Variants in ARID3A observed in about 807,000 individuals in gnomAD.
ARID3A encodes the protein AT-rich interactive domain-containing protein 3A.
ARID3A carries 11 observed loss-of-function variants against 52.7 expected under a neutral mutation model. That is an observed-to-expected ratio of 0.21 (90% CI 0.13 to 0.35). The LOEUF is 0.35. ARID3A is among the 10% of genes least tolerant of loss of function. The pLI, the probability that ARID3A is intolerant of heterozygous loss-of-function variation, is 1.00. For synonymous variants in ARID3A, 404 were observed against 359.4 expected, an observed-to-expected ratio of 1.12 and a Z score of -1.40; for missense variants, 721 against 838.5, an observed-to-expected ratio of 0.86 and a Z score of 1.73.
At position 966,730 on chromosome 19, in the gene ARID3A, C is replaced by T; in HGVS notation, c.1357C>T (p.Leu453=). 1 of 1,612,730 alleles carries T rather than the reference C, an allele frequency of 6.2e-7. No individual in the cohort carries two copies. Residue 453 remains leucine (L), a synonymous_variant, in exon 7 of 9, where the codon CTG becomes TTG. Coordinates refer to ENST00000263620, the MANE Select transcript of ARID3A (RefSeq NM_005224.3). The part of the protein sequence containing the change: ...AAALEQLREK[L]ESAEPPEKKM... ...TGCCCTGGAACAGCTGCGGGAGAAG[C>T]TGGAGTCTGCAGAGCCTCCGGAGAA...
At position 932,490 on chromosome 19, in the gene ARID3A, CGAGGAT is replaced by C. The variant is rs944698732; in HGVS notation, c.447_452del (p.Asp149_Glu150del). On this transcript the variant is annotated inframe_deletion, in exon 3 of 9. Coordinates refer to ENST00000263620, the MANE Select transcript of ARID3A (RefSeq NM_005224.3). ...ATGAGGAGGAGGAGGAGGAGGATTACGAGGATGAGGAGGAGGAGGAGGACGAGGAGG... is the reference window on the plus strand; with the variant it reads ...ATGAGGAGGAGGAGGAGGAGGATTACGAGGAGGAGGAGGAGGACGAGGAGG... 5.1e-6 allele frequency: 8 copies of C among 1,568,774 alleles called. No individual in the cohort carries two copies. Among genetic ancestry groups the C allele is most frequent in the Middle Eastern group, 1.9e-4 (1 of 5,162 alleles).
At chr19:952,147 A>G (rs1304005101) in intron 3 of ARID3A, among the ~76,000 whole-genome samples, 1 of 150,696 alleles carries the variant, frequency 6.6e-6, no homozygotes, top group Non-Finnish European at 1.5e-5. Context: ...TCTCAAAACA[A>G]AAACAAAGTG....
Position 929,276 on chromosome 19 carries a change from G to C in ARID3A, c.-253G>C, listed in dbSNP as rs375088044. On this transcript the variant is annotated 5_prime_UTR_variant, in exon 2 of 9. Coordinates refer to ENST00000263620, the MANE Select transcript of ARID3A (RefSeq NM_005224.3). This position sits in a 1 kb window ranked among gnomAD's most constrained non-coding sequence, Gnocchi z 6.2. ...TTCCCCCTCAGGTTTCTGCAAATGCGTGAATGAGCCGGATGCCAGCCTCTG... is the reference window on the plus strand; with the variant it reads ...TTCCCCCTCAGGTTTCTGCAAATGCCTGAATGAGCCGGATGCCAGCCTCTG... The C allele has an allele frequency of 6.5e-6, 2 of 307,776 alleles. No homozygotes were observed. Among genetic ancestry groups the C allele is most frequent in the African/African-American group, 2.2e-5 (1 of 44,566 alleles). The allele number at this position is 307,776 out of a possible 1,614,324, so 19.1% of individuals were successfully genotyped here.
intron 8 of ARID3A, among the ~76,000 whole-genome samples, chr19:969,593 C>T (rs1409899657): frequency 6.6e-6 from 1 of 151,022 alleles, no homozygotes; most frequent in Non-Finnish European, 1.5e-5. Context: ...TGTAGCTATA[C>T]ATAGATATAT....
Position 975,354 on chromosome 19 carries a change from T to TGGGCACG in ARID3A, c.*3300_*3306dup, listed in dbSNP as rs905061263. 4 of 178,850 alleles carry TGGGCACG rather than the reference T, an allele frequency of 2.2e-5. No individual in the cohort carries two copies. Among genetic ancestry groups the TGGGCACG allele is most frequent in the African/African-American group, 9.6e-5 (4 of 41,596 alleles). The allele number at this position is 178,850 out of a possible 1,614,324, so 11.1% of individuals were successfully genotyped here. A position where few individuals can be genotyped will look rare whatever the true frequency, so the allele number is the denominator to read the frequency against. On this transcript the variant is annotated 3_prime_UTR_variant, in exon 9 of 9. Coordinates refer to ENST00000263620, the MANE Select transcript of ARID3A (RefSeq NM_005224.3). ...GTGGCTGTCCAGAAAGGCGGGAGGGTGGGCACGGGGCACGGGGGGCAGCTG... is the reference window on the plus strand; with the variant it reads ...GTGGCTGTCCAGAAAGGCGGGAGGGTGGGCACGGGGCACGGGGCACGGGGGGCAGCTG...
At chr19:962,860 G>A (rs1235964672) in intron 4 of ARID3A, among the ~76,000 whole-genome samples, 1 of 152,138 alleles carries the variant, frequency 6.6e-6, no homozygotes, top group Non-Finnish European at 1.5e-5. Flanking sequence ...CTAAACTGGT[G>A]TCCCGAGTGG....
At chr19:937,404 G>A (rs1568358383) in intron 3 of ARID3A, among the ~76,000 whole-genome samples, 1 of 152,198 alleles carries the variant, frequency 6.6e-6, no homozygotes, top group Non-Finnish European at 1.5e-5. Flanking sequence ...TCACGGCTGA[G>A]TCATACTCCG....
At chr19:970,327 A>G (rs2038250014) in intron 8 of ARID3A, among the ~76,000 whole-genome samples, 1 of 151,992 alleles carries the variant, frequency 6.6e-6, no homozygotes, top group South Asian at 2.1e-4. Flanking sequence ...GAAGAAAAAA[A>G]AAAGAATTAA....
intron 3 of ARID3A, among the ~76,000 whole-genome samples, chr19:952,476 A>AATTTCT (rs2037822405): frequency 2.7e-5 from 4 of 150,282 alleles, no homozygotes; most frequent in Admixed American, 2.0e-4. Flanking sequence ...AAGGAAAGAA[A>AATTTCT]ATTTCTCTTC....
rs1161783382 is a variant in ARID3A, at chr19:960,926, G to C, written c.766+762G>C. Among the ~76,000 whole-genome samples the C allele has an allele frequency of 6.6e-6, 1 of 152,158 alleles. No individual in the cohort carries two copies. Among genetic ancestry groups the C allele is most frequent in the Non-Finnish European group, 1.5e-5 (1 of 68,008 alleles). On this transcript the variant is annotated intron_variant, in intron 4 of 8. Coordinates refer to ENST00000263620, the MANE Select transcript of ARID3A (RefSeq NM_005224.3). This position sits in a 1 kb window ranked among gnomAD's most constrained non-coding sequence, Gnocchi z 4.3. ...GACTCAGACGACCAAGGGTAGCCGG[G>C]GTGTCCCAGCGGCCATTCCCAGGCC...
intron 3 of ARID3A, among the ~76,000 whole-genome samples, chr19:936,543 G>T (rs1023447019): frequency 6.6e-6 from 1 of 151,704 alleles, no homozygotes; most frequent in African/African-American, 2.4e-5. Context: ...ACCCTGTCTC[G>T]AAAAAATAAG....
rs555535275 is a variant in ARID3A at position 959,020 on chromosome 19, G to A, written c.694-1072G>A. On this transcript the variant is annotated intron_variant, in intron 3 of 8. Transcript: ENST00000263620. This position sits in a 1 kb window ranked among gnomAD's most constrained non-coding sequence, Gnocchi z 5.0. ...AGCCACAGATTTGTAGCCCAGGAGC[G>A]CTGGCTGGGCTGTGCCTGTGCCTGG... Among the ~76,000 whole-genome samples, 11 of 152,338 alleles carry A rather than the reference G, an allele frequency of 7.2e-5. 1 individual carries two copies. In the East Asian group the frequency reaches 1.3e-3, roughly 19 times the overall value.
At position 944,649 on chromosome 19, in the gene ARID3A, A is replaced by G. The variant is rs1328199436; in HGVS notation, c.693+11907A>G. Among the ~76,000 whole-genome samples, 2 of 152,114 alleles carry G rather than the reference A, an allele frequency of 1.3e-5. No individual in the cohort carries two copies. Among genetic ancestry groups the G allele is most frequent in the African/African-American group, 4.8e-5 (2 of 41,408 alleles). ...GGTTTTCGGGGGTGGATTTTGAGACAGGGTCTCGTGCTGTCACCCAGGCTG... is the reference window on the plus strand; with the variant it reads ...GGTTTTCGGGGGTGGATTTTGAGACGGGGTCTCGTGCTGTCACCCAGGCTG... On this transcript the variant is annotated intron_variant, in intron 3 of 8. Transcript: ENST00000263620. This position sits in a 1 kb window ranked among gnomAD's most constrained non-coding sequence, Gnocchi z 5.9.
At chr19:956,252 C>T (rs968551384) in intron 3 of ARID3A, among the ~76,000 whole-genome samples, 18 of 152,026 alleles carry the variant, frequency 1.2e-4, no homozygotes, top group African/African-American at 3.1e-4. Flanking sequence ...TCCTGTCCCC[C>T]TCTCCGCCCT....
chr19:975,901 T>C lies in ARID3A; in HGVS notation c.*3836T>C, dbSNP rs1599438187. ...GTAACCCTGTAAAGCTGATGAGATA[T>C]TAAAACGAGACAAAACACTTCTGAC... On this transcript the variant is annotated 3_prime_UTR_variant, in exon 9 of 9. Coordinates refer to ENST00000263620, the MANE Select transcript of ARID3A (RefSeq NM_005224.3). 5 of 181,356 alleles carry C rather than the reference T, an allele frequency of 2.8e-5. No individual in the cohort carries two copies. The East Asian group carries it at 3.6e-4, about 13-fold the overall frequency. 11.2% of individuals were successfully genotyped at this position (181,356 alleles called of 1,614,324 possible). A position where few individuals can be genotyped will look rare whatever the true frequency, so the allele number is the denominator to read the frequency against.
At chr19:931,090 T>TC (rs1038546298) in intron 2 of ARID3A, among the ~76,000 whole-genome samples, 2 of 151,142 alleles carry the variant, frequency 1.3e-5, no homozygotes, top group African/African-American at 4.9e-5. Flanking sequence ...GCCCAGGAGT[T>TC]CAAGACCAGC....
chr19:930,099 G>A (rs896864616), intron 2 of ARID3A, among the ~76,000 whole-genome samples: 6 of 151,962 alleles, frequency 3.9e-5, no homozygotes, highest in African/African-American at 7.3e-5. Flanking sequence ...CCCCATCTCC[G>A]CAAAAAATTA....
chr19:940,616 T>C (rs867390880), intron 3 of ARID3A, among the ~76,000 whole-genome samples: 1 of 152,146 alleles, frequency 6.6e-6, no homozygotes, highest in Non-Finnish European at 1.5e-5. Context: ...GCGGGTGCTC[T>C]AGGCAGATGG....
intron 7 of ARID3A, among the ~76,000 whole-genome samples, chr19:967,783 G>A (rs1443868716): frequency 6.6e-6 from 1 of 152,140 alleles, no homozygotes; most frequent in African/African-American, 2.4e-5. Context: ...GGTGGCCCAC[G>A]CCTGTAATCC....
Sources: allele counts gnomAD v4.1 joint callset (sites outside exome capture counted in the v4.1 genomes callset), GRCh38; gene constraint gnomAD v4.1.1; non-coding constraint Gnocchi (gnomAD v3.1); transcripts MANE v1.5; gene names NCBI Gene and HGNC (gene_info 2026-07-23, HGNC 2026-07-21).